The following ADAMTSL1 variants were observed in gnomAD, a reference collection of about 807,000 sequenced individuals.
The protein encoded by ADAMTSL1 is ADAMTS like 1.
A neutral mutation model predicts 201.8 loss-of-function variants in ADAMTSL1; 126 were observed. The ratio of observed to expected loss-of-function variants is 0.62; its 90% CI spans 0.54 to 0.72. The LOEUF (loss-of-function observed/expected upper bound fraction) is 0.72. Among genes scored for constraint, ADAMTSL1 ranks in the 30% least tolerant of loss-of-function variants. The pLI is 0.00. For missense variants in ADAMTSL1, 2,679 were observed against 2,277.8 expected (o/e 1.18, Z -3.59); for synonymous variants, 1,121 against 903.4 (o/e 1.24, Z -4.32).
chr9:17,930,706 T>C (rs558551996), intron 1 of ADAMTSL1, among the ~76,000 whole-genome samples: 3 of 152,242 alleles, frequency 2.0e-5, no homozygotes, highest in Admixed American at 2.0e-4. Context: ...TGAGTTTTGT[T>C]TGTGGAGAAG....
chr9:18,160,789 C>T (rs914416513), intron 1 of ADAMTSL1, among the ~76,000 whole-genome samples: 2 of 151,532 alleles, frequency 1.3e-5, no homozygotes, highest in South Asian at 4.2e-4. Flanking sequence ...AAGCAATCCT[C>T]CCACCTCATC....
chr9:18,346,704 A>T (rs1586936226), intron 2 of ADAMTSL1, among the ~76,000 whole-genome samples: 1 of 152,168 alleles, frequency 6.6e-6, no homozygotes, highest in Non-Finnish European at 1.5e-5. Context: ...TTTTTGAATG[A>T]GGAAACTGAA....
chr9:18,501,182 G>A (rs1056771677), intron 1 of ADAMTSL1, among the ~76,000 whole-genome samples: 1 of 152,070 alleles, frequency 6.6e-6, no homozygotes, highest in Non-Finnish European at 1.5e-5. Context: ...GAAAATTGCT[G>A]CTGTAAAGTT....
intron 2 of ADAMTSL1, among the ~76,000 whole-genome samples, chr9:18,260,687 T>C (rs1054491975): frequency 2.6e-5 from 4 of 152,222 alleles, no homozygotes; most frequent in African/African-American, 9.6e-5. Flanking sequence ...CTGCACTTTC[T>C]CTGTGGCTTT....
intron 1 of ADAMTSL1, among the ~76,000 whole-genome samples, chr9:18,030,336 G>T (rs1260346689): frequency 6.6e-6 from 1 of 152,048 alleles, no homozygotes; most frequent in African/African-American, 2.4e-5. Context: ...TCATAGGTGG[G>T]AATTGAACAA....
At position 18,771,705 on chromosome 9, in the gene ADAMTSL1, C is replaced by CTTTTTTTT. The variant is rs374268861; in HGVS notation, c.2397+945_2397+952dup. On this transcript the variant is annotated intron_variant, in intron 17 of 28. Transcript: ENST00000380548. ...GAATTTGCCTTCCTAACCCCAGTGC[C>CTTTTTTTT]TTTTTTTTTTTTTTTTTTTTTTTTT... Among the ~76,000 whole-genome samples, 35 of 91,760 alleles carry CTTTTTTTT rather than the reference C, an allele frequency of 3.8e-4. 5 individuals carry two copies. The highest frequency in any genetic ancestry group is 4.4e-4 in the Admixed American group (3 of 6,838). The allele number at this position is 91,760 out of a possible 152,430, so 60.2% of individuals were successfully genotyped here. A position where few individuals can be genotyped will look rare whatever the true frequency, so the allele number is the denominator to read the frequency against.
intron 5 of ADAMTSL1, among the ~76,000 whole-genome samples, chr9:18,624,363 C>T (rs1826228373): frequency 6.6e-6 from 1 of 152,076 alleles, no homozygotes; most frequent in Non-Finnish European, 1.5e-5. Context: ...AGGCATAATT[C>T]TCTTGTAAAT....
chr9:18,302,457 A>G (rs924668717), intron 2 of ADAMTSL1, among the ~76,000 whole-genome samples: 3 of 152,158 alleles, frequency 2.0e-5, no homozygotes, highest in South Asian at 4.1e-4. Context: ...GGAGTTTTCT[A>G]CTTAGATATG....
intron 1 of ADAMTSL1, among the ~76,000 whole-genome samples, chr9:18,064,990 G>T (rs1281522986): frequency 1.5e-3 from 93 of 62,868 alleles, no homozygotes; most frequent in Non-Finnish European, 2.4e-3. Context: ...TTTTTTTTTG[G>T]TGGGCTCTGA....
At chr9:17,981,558 C>T (rs564251238) in intron 1 of ADAMTSL1, among the ~76,000 whole-genome samples, 17 of 152,230 alleles carry the variant, frequency 1.1e-4, no homozygotes, top group Non-Finnish European at 1.9e-4. Flanking sequence ...TTCGAGTGAG[C>T]CATCTTTATG....
At chr9:17,940,810 C>CCCT (rs1827210159) in intron 1 of ADAMTSL1, among the ~76,000 whole-genome samples, 2 of 64,462 alleles carry the variant, frequency 3.1e-5, no homozygotes, top group Non-Finnish European at 6.3e-5. Context: ...ACACCCCCCC[C>CCCT]CCAAAAAAAA....
At chr9:17,969,823 A>G (rs1482397804) in intron 1 of ADAMTSL1, among the ~76,000 whole-genome samples, 1 of 152,072 alleles carries the variant, frequency 6.6e-6, no homozygotes, top group Non-Finnish European at 1.5e-5. Flanking sequence ...GCGGAAAATA[A>G]TTTTATAAAG....
intron 9 of ADAMTSL1, among the ~76,000 whole-genome samples, chr9:18,670,861 C>T (rs1214875535): frequency 6.6e-6 from 1 of 151,970 alleles, no homozygotes; most frequent in African/African-American, 2.4e-5. Context: ...GGTTCCAGGA[C>T]CCACCCCACC....
At chr9:18,575,290 T>C (rs1029576174) in intron 4 of ADAMTSL1, among the ~76,000 whole-genome samples, 4 of 152,152 alleles carry the variant, frequency 2.6e-5, no homozygotes, top group Non-Finnish European at 5.9e-5. Context: ...GAAACAAACA[T>C]AGTCAACCTT....
intron 1 of ADAMTSL1, among the ~76,000 whole-genome samples, chr9:17,979,210 C>T (rs1818583716): frequency 6.6e-6 from 1 of 152,104 alleles, no homozygotes; most frequent in African/African-American, 2.4e-5. Flanking sequence ...GTCCATATTG[C>T]TTCCCAGATC....
chr9:18,277,370 G>C (rs889418561), intron 2 of ADAMTSL1, among the ~76,000 whole-genome samples: 2 of 152,012 alleles, frequency 1.3e-5, no homozygotes, highest in Admixed American at 1.3e-4. Flanking sequence ...TTGTATTGCT[G>C]TCTATTTCTC....
At chr9:18,161,031 G>T (rs1261091538) in intron 1 of ADAMTSL1, among the ~76,000 whole-genome samples, 5 of 151,660 alleles carry the variant, frequency 3.3e-5, no homozygotes, top group Non-Finnish European at 7.4e-5. Context: ...TTTTTGCCTT[G>T]ATATTACATA....
In ADAMTSL1 at chr9:18,868,055, TC is replaced by T. The variant is rs1827653499; in HGVS notation, c.4250-19775del. ...TCTCTCTGCTTTACTTTGGCTAATT[TC>T]TATTATTATATCTTGGATTTCACAG... On this transcript the variant is annotated intron_variant, in intron 23 of 28. Transcript: ENST00000380548. 2.0e-5 allele frequency among the ~76,000 whole-genome samples: 3 copies of T among 152,332 alleles called. No homozygotes were observed. In the South Asian group the frequency reaches 6.2e-4, roughly 32 times the overall value.
At chr9:18,731,959 T>C (rs1452059714) in intron 15 of ADAMTSL1, among the ~76,000 whole-genome samples, 5 of 152,194 alleles carry the variant, frequency 3.3e-5, no homozygotes, top group Non-Finnish European at 7.3e-5. Context: ...TATTTCCATA[T>C]GATATTCGGG....
Sources: allele counts gnomAD v4.1 joint callset (sites outside exome capture counted in the v4.1 genomes callset), GRCh38; gene constraint gnomAD v4.1.1; transcripts MANE v1.5; gene names NCBI Gene and HGNC (gene_info 2026-07-23, HGNC 2026-07-21).